Variants in HNRNPLL observed in about 807,000 individuals in gnomAD.
HNRNPLL encodes heterogeneous nuclear ribonucleoprotein L-like.
Under a neutral mutation model 67.1 loss-of-function variants are expected in HNRNPLL, and 25 were observed. The observed-to-expected ratio is 0.37, with a 90% CI of 0.27 to 0.52. The LOEUF (loss-of-function observed/expected upper bound fraction) is 0.52. Among genes scored for constraint, HNRNPLL ranks in the 20% least tolerant of loss-of-function variants. The pLI is 0.90. For synonymous variants in HNRNPLL, 267 were observed against 241.7 expected, an observed-to-expected ratio of 1.10 and a Z score of -0.97; for missense variants, 542 against 673.9, an observed-to-expected ratio of 0.80 and a Z score of 2.17.
At chr2:38,564,557 T>C (rs903162333) in intron 12 of HNRNPLL, among the ~76,000 whole-genome samples, 1 of 145,078 alleles carries the variant, frequency 6.9e-6, no homozygotes, top group African/African-American at 2.6e-5. Flanking sequence ...GAGGTGGAGG[T>C]TGCAGCAAGC....
At chr2:38,564,613 CAAAAAAA>C (rs70954732) in intron 12 of HNRNPLL, among the ~76,000 whole-genome samples, 19 of 36,998 alleles carry the variant, frequency 5.1e-4, no homozygotes, top group East Asian at 2.2e-3. Flanking sequence ...GACTCCGTCT[CAAAAAAA>C]AAAAAAAAAA....
At position 38,573,167 on chromosome 2, in the gene HNRNPLL, C is replaced by T. The variant is rs1321251125; in HGVS notation, c.1092+43G>A. 2.2e-6 allele frequency: 3 copies of T among 1,337,632 alleles called. No individual in the cohort carries two copies. In the East Asian group the frequency reaches 7.0e-5, roughly 31 times the overall value. 82.9% of individuals were successfully genotyped at this position (1,337,632 alleles called of 1,614,324 possible). A position where few individuals can be genotyped will look rare whatever the true frequency, so the allele number is the denominator to read the frequency against. ...ATTTGCAGCCTTTTCAGAGTTACCACTGAATATCCTAGCAAAAGAAACCAA... is the reference window on the plus strand; with the variant it reads ...ATTTGCAGCCTTTTCAGAGTTACCATTGAATATCCTAGCAAAAGAAACCAA... On this transcript the variant is annotated intron_variant, in intron 8 of 12. Transcript: ENST00000449105.
chr2:38,575,098 C>A (rs931925923), intron 7 of HNRNPLL, among the ~76,000 whole-genome samples: 1 of 151,672 alleles, frequency 6.6e-6, no homozygotes, highest in African/African-American at 2.4e-5. Flanking sequence ...AAGTCCAAAA[C>A]CTCTGAGATC....
At chr2:38,576,935 T>C (rs2148350682) in intron 7 of HNRNPLL, among the ~76,000 whole-genome samples, 1 of 151,944 alleles carries the variant, frequency 6.6e-6, no homozygotes, top group South Asian at 2.1e-4. Context: ...CATAATCTTA[T>C]CAACATAGCA....
chr2:38,581,247 G>C (rs952255088), intron 6 of HNRNPLL: 5 of 152,206 alleles, frequency 3.3e-5, no homozygotes, highest in African/African-American at 1.2e-4. Flanking sequence ...ATGAAGTCTA[G>C]TTTCCGTTAG....
Position 38,602,674 on chromosome 2 carries a change from G to A in HNRNPLL, c.-48C>T, listed in dbSNP as rs1161397125. On this transcript the variant is annotated 5_prime_UTR_variant, in exon 1 of 13. Transcript: ENST00000449105. ...TGGCAGGCGGGTGGGGGTGGCGGTG[G>A]GGCGCGCGCCTCGGATGCCGCCGGC... 1 of 1,437,358 alleles carries A rather than the reference G, an allele frequency of 7.0e-7. No individual in the cohort carries two copies. The allele number at this position is 1,437,358 out of a possible 1,614,324, so 89.0% of individuals were successfully genotyped here. A position where few individuals can be genotyped will look rare whatever the true frequency, so the allele number is the denominator to read the frequency against.
intron 2 of HNRNPLL, among the ~76,000 whole-genome samples, chr2:38,589,719 A>C (rs1306214983): frequency 1.3e-5 from 2 of 152,202 alleles, no homozygotes; most frequent in Admixed American, 6.5e-5. Flanking sequence ...AAATAGTTCT[A>C]TTTCTTTAAT....
chr2:38,573,022 C>G (rs1666153447), intron 8 of HNRNPLL, among the ~76,000 whole-genome samples, 188 bp downstream of exon 8: 1 of 151,834 alleles, frequency 6.6e-6, no homozygotes, highest in South Asian at 2.1e-4. Flanking sequence ...GTATCAACAA[C>G]CTATACTTAT....
intron 1 of HNRNPLL, among the ~76,000 whole-genome samples, chr2:38,601,823 T>A (rs1240347660): frequency 6.6e-6 from 1 of 152,176 alleles, no homozygotes; most frequent in Non-Finnish European, 1.5e-5. Context: ...AGGTAAAAAG[T>A]GTACTGAGTA....
intron 6 of HNRNPLL, among the ~76,000 whole-genome samples, chr2:38,579,725 TTTTAAAAAAGTTTTTA>T (rs1666445726): frequency 6.8e-6 from 1 of 147,572 alleles, no homozygotes; most frequent in East Asian, 2.0e-4. Flanking sequence ...GAGGGTATGT[TTTTAAAAAAGTTTTTA>T]TTTTTTTTGG....
chr2:38,595,396 A>C (rs548790579), intron 1 of HNRNPLL, among the ~76,000 whole-genome samples: 1 of 152,078 alleles, frequency 6.6e-6, no homozygotes, highest in South Asian at 2.1e-4. Flanking sequence ...TATAGTGCTA[A>C]AAAATATAAC....
intron 7 of HNRNPLL, among the ~76,000 whole-genome samples, chr2:38,573,970 C>T (rs1558532791): frequency 1.3e-5 from 2 of 151,784 alleles, no homozygotes; most frequent in South Asian, 4.1e-4. Flanking sequence ...AAACTAAAAC[C>T]CTAGATTTAG....
In HNRNPLL at chr2:38,569,821, C is replaced by T. The variant is rs1246746080; in HGVS notation, c.1197G>A (p.Gly399=). 9 of 1,445,106 alleles carry T rather than the reference C, an allele frequency of 6.2e-6. No homozygotes were observed. The highest frequency in any genetic ancestry group is 7.7e-6 in the Non-Finnish European group (8 of 1,044,322). The allele number at this position is 1,445,106 out of a possible 1,614,324, so 89.5% of individuals were successfully genotyped here. A position where few individuals can be genotyped will look rare whatever the true frequency, so the allele number is the denominator to read the frequency against. The change falls in exon 9 of 13, where the codon GGG becomes GGA. Residue 399 remains glycine, a synonymous_variant. Transcript: ENST00000449105. ...VTHLNNVKLF[G]KRLNVCVSKQ... ...ATAATTACCAAACATTAAGTCTTTTCCCAAATAATTTGACATTATTAAGGT... is the reference window on the plus strand; with the variant it reads ...ATAATTACCAAACATTAAGTCTTTTTCCAAATAATTTGACATTATTAAGGT...
intron 12 of HNRNPLL, among the ~76,000 whole-genome samples, chr2:38,567,618 A>G (rs988226430): frequency 6.6e-6 from 1 of 151,966 alleles, no homozygotes; most frequent in Non-Finnish European, 1.5e-5. Context: ...GGTGATTCCA[A>G]CCTCCTGGTA....
intron 2 of HNRNPLL, among the ~76,000 whole-genome samples, chr2:38,586,639 C>T (rs1226465121): frequency 6.6e-6 from 1 of 152,086 alleles, no homozygotes; most frequent in East Asian, 1.9e-4. Context: ...ACTTTTAAAA[C>T]AGAGATAAAT....
At chr2:38,580,650 C>T (rs1207255367) in intron 6 of HNRNPLL, among the ~76,000 whole-genome samples, 2 of 152,096 alleles carry the variant, frequency 1.3e-5, no homozygotes, top group African/African-American at 4.8e-5. Context: ...ATACTGCAGC[C>T]CCCTTGTTTT....
intron 2 of HNRNPLL, among the ~76,000 whole-genome samples, chr2:38,589,251 C>G (rs1666867190): frequency 6.6e-6 from 1 of 152,158 alleles, no homozygotes; most frequent in African/African-American, 2.4e-5. Context: ...GAGCTTCTTA[C>G]CTATGCATCT....
chr2:38,596,257 T>C (rs1293015401), intron 1 of HNRNPLL, among the ~76,000 whole-genome samples: 1 of 152,154 alleles, frequency 6.6e-6, no homozygotes, highest in Non-Finnish European at 1.5e-5. Context: ...TCTGGTGTCA[T>C]TTGTAGAGAC....
In HNRNPLL at chr2:38,562,765, G is replaced by A. The variant is rs1362436299; in HGVS notation, c.*1417C>T. The A allele has an allele frequency of 6.6e-6, 1 of 151,946 alleles. No individual in the cohort carries two copies. The highest frequency in any genetic ancestry group is 1.9e-4 in the East Asian group (1 of 5,198). The allele number at this position is 151,946 out of a possible 1,614,324, so 9.4% of individuals were successfully genotyped here. On this transcript the variant is annotated 3_prime_UTR_variant, in exon 13 of 13. Transcript: ENST00000449105. ...TTAGAGGGCTAAATGCTGGTCCACT[G>A]CCATCAAAATGAGGGGAAATAAATG...
Sources: allele counts gnomAD v4.1 joint callset (sites outside exome capture counted in the v4.1 genomes callset), GRCh38; gene constraint gnomAD v4.1.1; transcripts MANE v1.5; gene names NCBI Gene and HGNC (gene_info 2026-07-23, HGNC 2026-07-21).